Variants in GLDN observed in about 807,000 individuals in gnomAD.
GLDN encodes the protein gliomedin, also known as collomin.
In GLDN, 47 loss-of-function variants were observed where a neutral mutation model predicts 56.5. That is an observed-to-expected ratio of 0.83 (90% CI 0.66 to 1.06). GLDN has a LOEUF of 1.06. GLDN is among the 50% of genes least tolerant of loss of function. The pLI is 0.00. For synonymous variants in GLDN, 332 were observed against 278.8 expected (o/e 1.19, Z -1.90); for missense variants, 782 against 714.3 (o/e 1.09, Z -1.08).
rs1022278859 is a variant in GLDN, at chr15:51,383,686, G to A, written c.434-99G>A. On this transcript the variant is annotated intron_variant, in intron 3 of 9. Transcript: ENST00000335449. ...GAAAGGATGTGGAAAAGGAATTGAT[G>A]CCTGCTCAGTTTCACTGGTAAAGGA... 10 of 1,023,782 alleles carry A rather than the reference G, an allele frequency of 9.8e-6. No individual in the cohort carries two copies. The African/African-American group carries it at 1.6e-4, about 17-fold the overall frequency. 63.4% of individuals were successfully genotyped at this position (1,023,782 alleles called of 1,614,324 possible).
Position 51,404,403 on chromosome 15 carries a change from G to A in GLDN, c.1305G>A (p.Trp435Ter), listed in dbSNP as rs775011495. The A allele has an allele frequency of 1.1e-5, 17 of 1,614,034 alleles. No homozygotes were observed. Among genetic ancestry groups the A allele is most frequent in the Non-Finnish European group, 1.4e-5 (17 of 1,180,032 alleles). The change falls in exon 10 of 10, where the codon TGG (tryptophan) becomes TGA (stop). Residue 435 changes from tryptophan to a stop codon, truncating the protein, a stop_gained. Coordinates refer to ENST00000335449, the MANE Select transcript of GLDN (RefSeq NM_181789.4). LOFTEE classifies it high-confidence loss of function. ...FNLAVDEKGL[W>*]IIYASSVDGS... ...TAGCTGTAGATGAAAAGGGCCTTTG[G>A]ATTATCTATGCGTCAAGTGTGGACG...
chr15:51,413,029 T>C, the GLDN span, among the ~76,000 whole-genome samples: 4 of 152,238 alleles, frequency 2.6e-5, no homozygotes, highest in African/African-American at 9.6e-5. Flanking sequence ...CATTTATTGA[T>C]ATGGTTGGTT....
Position 51,375,591 on chromosome 15 carries a change from T to A in GLDN, c.364-1858T>A, listed in dbSNP as rs184999314. Among the ~76,000 whole-genome samples the A allele has an allele frequency of 1.1e-4, 16 of 152,268 alleles. No homozygotes were observed. In the East Asian group the frequency reaches 2.9e-3, roughly 28 times the overall value. ...AATGGGAAGGGGTATACGGTGGGTG[T>A]GAGGCAGCCAGATGTTTTCCTTATT... On this transcript the variant is annotated intron_variant, in intron 1 of 9. Coordinates refer to ENST00000335449, the MANE Select transcript of GLDN (RefSeq NM_181789.4).
chr15:51,411,457 T>C (rs909806360), downstream of GLDN, among the ~76,000 whole-genome samples: 7 of 152,178 alleles, frequency 4.6e-5, no homozygotes, highest in African/African-American at 1.7e-4. Context: ...GTAGACTTTG[T>C]GGGCATTTGG....
In GLDN at chr15:51,341,795, G is replaced by A. The variant is rs1355447090; in HGVS notation, c.111G>A (p.Ala37=). The A allele has an allele frequency of 1.3e-6, 2 of 1,511,310 alleles. No individual in the cohort carries two copies. Among genetic ancestry groups the A allele is most frequent in the Non-Finnish European group, 8.8e-7 (1 of 1,138,742 alleles). 93.6% of individuals were successfully genotyped at this position (1,511,310 alleles called of 1,614,324 possible). A position where few individuals can be genotyped will look rare whatever the true frequency, so the allele number is the denominator to read the frequency against. ...SALNAAGTVF[A]LCQWRGLSSA... is the part of the protein sequence containing the mutation. ...TCAACGCTGCGGGCACGGTGTTCGCGCTGTGCCAGTGGCGCGGGCTGAGCT... is the reference window on the plus strand; with the variant it reads ...TCAACGCTGCGGGCACGGTGTTCGCACTGTGCCAGTGGCGCGGGCTGAGCT... Residue 37 remains alanine (A), a synonymous_variant, in exon 1 of 10, where the codon GCG becomes GCA. Transcript: ENST00000335449.
chr15:51,384,208 G>T, intron 4 of GLDN: 1 of 361,650 alleles, frequency 2.8e-6, no homozygotes. Flanking sequence ...CCGTGTGACA[G>T]CTGGTGCTGG....
chr15:51,371,557 A>C (rs970014946), intron 1 of GLDN, among the ~76,000 whole-genome samples: 4 of 152,238 alleles, frequency 2.6e-5, no homozygotes, highest in Non-Finnish European at 5.9e-5. Context: ...TTTTCAGAGA[A>C]AAAAACTGGA....
chr15:51,412,494 C>T (rs1456836444), downstream of GLDN, among the ~76,000 whole-genome samples: 1 of 152,174 alleles, frequency 6.6e-6, no homozygotes, highest in African/African-American at 2.4e-5. Context: ...TTTCTATTTT[C>T]ACCCTTGCCA....
intron 4 of GLDN, chr15:51,384,797 T>C (rs1438013957): frequency 6.6e-6 from 1 of 152,170 alleles, no homozygotes; most frequent in African/African-American, 2.4e-5. Context: ...AGGGAGGTTG[T>C]TTTCAGCCGG....
chr15:51,405,388 T>TG lies in GLDN; in HGVS notation c.*634_*635insG, dbSNP rs2038356532. ...AGCTACATGTTCAGGTTTTTTTTTT[T>TG]TTTTTTTTTTCAATAAGCTATTTTT... On this transcript the variant is annotated 3_prime_UTR_variant, in exon 10 of 10. Transcript: ENST00000335449. 1 of 151,856 alleles carries TG rather than the reference T, an allele frequency of 6.6e-6. No homozygotes were observed. The highest frequency in any genetic ancestry group is 1.9e-4 in the East Asian group (1 of 5,182). The allele number at this position is 151,856 out of a possible 1,614,324, so 9.4% of individuals were successfully genotyped here. A position where few individuals can be genotyped will look rare whatever the true frequency, so the allele number is the denominator to read the frequency against.
intron 1 of GLDN, among the ~76,000 whole-genome samples, chr15:51,355,796 T>G (rs1209554480): frequency 1.3e-5 from 2 of 150,728 alleles, no homozygotes; most frequent in Non-Finnish European, 3.0e-5. Flanking sequence ...GTGCTGGGAT[T>G]ACAGGCGTGA....
In GLDN at chr15:51,404,513, C is replaced by T; in HGVS notation, c.1415C>T (p.Ala472Val). The T allele has an allele frequency of 6.2e-7, 1 of 1,614,188 alleles. No homozygotes were observed. The highest frequency in any genetic ancestry group is 8.5e-7 in the Non-Finnish European group (1 of 1,180,030). Residue 472 changes from alanine to valine, a missense_variant, in exon 10 of 10, where the codon GCT (alanine) becomes GTT (valine). By Grantham distance (64) the Ala-to-Val change is moderately conservative. Transcript: ENST00000335449. ...HVNTTYPKSK[A>V]GNAFIARGIL... ...AATACCACGTACCCTAAATCCAAGG[C>T]TGGCAACGCCTTCATTGCCCGAGGA... is the stretch of plus-strand genomic sequence containing the variant.
At chr15:51,408,677 G>A (rs908586506), downstream of GLDN, among the ~76,000 whole-genome samples, 7 of 151,934 alleles carry the variant, frequency 4.6e-5, no homozygotes, top group South Asian at 2.1e-4. Context: ...AATGCTATCC[G>A]TCCACCCCAC....
At position 51,397,614 on chromosome 15, in the gene GLDN, C is replaced by A; in HGVS notation, c.817+16C>A. On this transcript the variant is annotated intron_variant, in intron 6 of 9. Transcript: ENST00000335449. ...CAGTGCCCAGGTCACCACCTCTCCCCTACGGGGCCCACCTCTTCTGTCAAT... is the reference window on the plus strand; with the variant it reads ...CAGTGCCCAGGTCACCACCTCTCCCATACGGGGCCCACCTCTTCTGTCAAT... 1 of 1,557,354 alleles carries A rather than the reference C, an allele frequency of 6.4e-7. No individual in the cohort carries two copies. Among genetic ancestry groups the A allele is most frequent in the South Asian group, 1.2e-5 (1 of 82,612 alleles).
At chr15:51,403,707 T>G (rs1019919989) in intron 9 of GLDN, among the ~76,000 whole-genome samples, 1 of 152,206 alleles carries the variant, frequency 6.6e-6, no homozygotes, top group Non-Finnish European at 1.5e-5. Flanking sequence ...CTGACTTTCT[T>G]CTTAACTTAG....
chr15:51,342,075 G>A lies in GLDN; in HGVS notation c.363+28G>A, dbSNP rs773260585. On this transcript the variant is annotated intron_variant, in intron 1 of 9. Coordinates refer to ENST00000335449, the MANE Select transcript of GLDN (RefSeq NM_181789.4). ...AGGCGGGGTCTCTGTTCCCCGTGGC[G>A]CCCCGGCCAGGTGGGCGGCTGGGGG... 2.5e-6 allele frequency: 4 copies of A among 1,587,628 alleles called. No homozygotes were observed. In the Admixed American group the frequency reaches 6.9e-5, roughly 27 times the overall value.
chr15:51,354,553 G>A (rs2037138300), intron 1 of GLDN, among the ~76,000 whole-genome samples: 1 of 152,162 alleles, frequency 6.6e-6, no homozygotes. Flanking sequence ...GTTGAGACTG[G>A]GGCAGGCAAG....
intron 1 of GLDN, among the ~76,000 whole-genome samples, chr15:51,364,571 T>C (rs2037364841): frequency 1.3e-5 from 2 of 152,166 alleles, no homozygotes; most frequent in African/African-American, 4.8e-5. Context: ...TCAGACATTG[T>C]AGTTTTCATT....
chr15:51,364,136 A>G (rs1381244997), intron 1 of GLDN, among the ~76,000 whole-genome samples: 6 of 151,816 alleles, frequency 4.0e-5, no homozygotes, highest in Non-Finnish European at 1.5e-5. Flanking sequence ...TGAATTTTGG[A>G]ATTTTTTTTG....
Sources: allele counts gnomAD v4.1 joint callset (sites outside exome capture counted in the v4.1 genomes callset), GRCh38; gene constraint gnomAD v4.1.1; transcripts MANE v1.5; gene names NCBI Gene and HGNC (gene_info 2026-07-23, HGNC 2026-07-21).